The following GRID1 variants were observed in gnomAD, a reference collection of about 807,000 sequenced individuals.
The protein encoded by GRID1 is glutamate receptor ionotropic, delta-1.
In GRID1, 28 loss-of-function variants were observed where a neutral mutation model predicts 98.0. The observed-to-expected ratio is 0.29, with a 90% CI of 0.21 to 0.39. The LOEUF is 0.39. Ranked by LOEUF, GRID1 falls within the 10% of genes least tolerant of loss-of-function variation. The pLI is 1.00. For missense variants in GRID1, 1,111 were observed against 1,340.5 expected (o/e 0.83, Z 2.67); for synonymous variants, 553 against 538.5 (o/e 1.03, Z -0.37).
intron 8 of GRID1, among the ~76,000 whole-genome samples, chr10:85,751,744 T>C (rs1842047699): frequency 2.0e-5 from 3 of 152,192 alleles, no homozygotes; most frequent in Admixed American, 6.5e-5. Context: ...AGATATATAA[T>C]AGACAGATCC....
At chr10:85,898,794 T>G (rs1267087776) in intron 5 of GRID1, among the ~76,000 whole-genome samples, 1 of 152,160 alleles carries the variant, frequency 6.6e-6, no homozygotes, top group Non-Finnish European at 1.5e-5. Flanking sequence ...CCTCAGGCTG[T>G]TTTACAGTTA....
chr10:86,347,768 A>G (rs1001427764), intron 2 of GRID1, among the ~76,000 whole-genome samples: 3 of 152,196 alleles, frequency 2.0e-5, no homozygotes, highest in African/African-American at 7.2e-5. Flanking sequence ...CTTAGGCCCA[A>G]ATGAGAGTTT....
chr10:85,901,297 G>C (rs980964415), intron 5 of GRID1, among the ~76,000 whole-genome samples: 1 of 151,300 alleles, frequency 6.6e-6, no homozygotes, highest in Non-Finnish European at 1.5e-5. Flanking sequence ...CCAGGCTGGA[G>C]TGCAGTGGCA....
intron 4 of GRID1, among the ~76,000 whole-genome samples, chr10:86,133,489 T>C (rs1236294200): frequency 6.6e-6 from 1 of 152,182 alleles, no homozygotes; most frequent in Non-Finnish European, 1.5e-5. Flanking sequence ...CTGGCCTCAT[T>C]TGCTGAGCCA....
chr10:86,305,991 T>A (rs1023034413), intron 2 of GRID1, among the ~76,000 whole-genome samples: 4 of 152,076 alleles, frequency 2.6e-5, no homozygotes, highest in Admixed American at 1.3e-4. Context: ...CACCATAACT[T>A]GGGGGTGATC....
chr10:85,841,389 C>T (rs184809954), intron 8 of GRID1, among the ~76,000 whole-genome samples: 202 of 152,082 alleles, frequency 1.3e-3, no homozygotes, highest in African/African-American at 4.5e-3. Flanking sequence ...CTCTCTAAGA[C>T]AACCTAGGCA....
chr10:85,843,618 C>A (rs1842980384), intron 8 of GRID1, among the ~76,000 whole-genome samples: 2 of 151,986 alleles, frequency 1.3e-5, no homozygotes, highest in African/African-American at 4.8e-5. Context: ...CTTAGAAAAA[C>A]AGGCAAAAGA....
At chr10:85,989,745 G>A (rs367720736) in intron 4 of GRID1, among the ~76,000 whole-genome samples, 9 of 152,266 alleles carry the variant, frequency 5.9e-5, no homozygotes, top group African/African-American at 1.7e-4. Flanking sequence ...GCTGGAGACC[G>A]CTGTTCTACA....
intron 3 of GRID1, among the ~76,000 whole-genome samples, chr10:86,190,782 C>T (rs1335236147): frequency 6.6e-6 from 1 of 152,258 alleles, no homozygotes; most frequent in African/African-American, 2.4e-5. Context: ...TAGCCTCAGA[C>T]CACATTCATC....
chr10:85,824,746 G>A (rs112327962), intron 8 of GRID1, among the ~76,000 whole-genome samples: 1 of 151,850 alleles, frequency 6.6e-6, no homozygotes, highest in Non-Finnish European at 1.5e-5. Flanking sequence ...ATACCTCTCT[G>A]TATGCCTTTG....
chr10:86,271,892 A>G (rs1847191146), intron 2 of GRID1, among the ~76,000 whole-genome samples: 1 of 152,212 alleles, frequency 6.6e-6, no homozygotes, highest in Admixed American at 6.5e-5. Context: ...AAAATTTCAA[A>G]TTTGACAAAA....
At chr10:86,259,887 T>C (rs1253665110) in intron 2 of GRID1, among the ~76,000 whole-genome samples, 1 of 152,202 alleles carries the variant, frequency 6.6e-6, no homozygotes, top group East Asian at 1.9e-4. Flanking sequence ...GGTTCCTCCA[T>C]TCAGTGGGAA....
At chr10:86,317,055 C>T (rs550960066) in intron 2 of GRID1, among the ~76,000 whole-genome samples, 1 of 152,206 alleles carries the variant, frequency 6.6e-6, no homozygotes, top group Non-Finnish European at 1.5e-5. Context: ...CCACTCAGTA[C>T]AGAACAACAC....
chr10:85,902,025 G>A (rs577626597), intron 5 of GRID1, among the ~76,000 whole-genome samples: 1 of 152,304 alleles, frequency 6.6e-6, no homozygotes, highest in South Asian at 2.1e-4. Flanking sequence ...AAGCTTGTTT[G>A]TGTGGGCTTT....
chr10:86,057,989 G>A (rs1843597834), intron 4 of GRID1, among the ~76,000 whole-genome samples: 1 of 152,174 alleles, frequency 6.6e-6, no homozygotes, highest in Non-Finnish European at 1.5e-5. Flanking sequence ...GGGAAATGGA[G>A]GATCCATTGT....
intron 12 of GRID1, among the ~76,000 whole-genome samples, chr10:85,707,811 T>G (rs1330204069): frequency 1.3e-5 from 2 of 152,074 alleles, no homozygotes; most frequent in African/African-American, 4.8e-5. Context: ...ATGTCCTTTG[T>G]AGGGACATGA....
In GRID1 at chr10:85,602,230, G is replaced by A; in HGVS notation, c.*43C>T. ...TTTTCTTGTATTAAAAAGCTCTGCT[G>A]GTCGGGTGGGTGGGAGGGTGGGCAG... On this transcript the variant is annotated 3_prime_UTR_variant, in exon 16 of 16. Coordinates refer to ENST00000327946, the MANE Select transcript of GRID1 (RefSeq NM_017551.3). The A allele has an allele frequency of 1.6e-6, 2 of 1,286,140 alleles. No individual in the cohort carries two copies. Among genetic ancestry groups the A allele is most frequent in the South Asian group, 1.6e-5 (1 of 64,486 alleles). The allele number at this position is 1,286,140 out of a possible 1,614,324, so 79.7% of individuals were successfully genotyped here.
chr10:85,893,382 G>A (rs1177836964), intron 5 of GRID1, among the ~76,000 whole-genome samples: 1 of 152,060 alleles, frequency 6.6e-6, no homozygotes, highest in Non-Finnish European at 1.5e-5. Context: ...TTCTAGTCAG[G>A]GCACCAGGGC....
At chr10:86,210,349 G>A (rs1846091019) in intron 2 of GRID1, among the ~76,000 whole-genome samples, 1 of 152,186 alleles carries the variant, frequency 6.6e-6, no homozygotes, top group Admixed American at 6.5e-5. Context: ...CCTCCGGTCA[G>A]TAGCCACACA....
Sources: allele counts gnomAD v4.1 joint callset (sites outside exome capture counted in the v4.1 genomes callset), GRCh38; gene constraint gnomAD v4.1.1; transcripts MANE v1.5; gene names NCBI Gene and HGNC (gene_info 2026-07-23, HGNC 2026-07-21).